The following FAM110B variants were observed in gnomAD, a reference collection of about 807,000 sequenced individuals.
The protein encoded by FAM110B is family with sequence similarity 110 member B, also known as protein FAM110B.
Under a neutral mutation model 20.4 loss-of-function variants are expected in FAM110B, and 6 were observed. The ratio of observed to expected loss-of-function variants is 0.29; its 90% confidence interval spans 0.16 to 0.58. The LOEUF is 0.58. FAM110B is among the 20% of genes least tolerant of loss of function. The pLI is 0.90. For synonymous variants in FAM110B, 226 were observed against 214.1 expected (o/e 1.06, Z -0.49); for missense variants, 434 against 498.2 (o/e 0.87, Z 1.23).
At chr8:58,011,919 G>C (rs549079438) in intron 1 of FAM110B, among the ~76,000 whole-genome samples, 2 of 152,156 alleles carry the variant, frequency 1.3e-5, no homozygotes, top group Non-Finnish European at 1.5e-5. Flanking sequence ...AATCACCTTC[G>C]TGACTGAGTA....
chr8:58,111,902 T>G (rs1487062323), intron 3 of FAM110B, among the ~76,000 whole-genome samples: 1 of 152,238 alleles, frequency 6.6e-6, no homozygotes, highest in Non-Finnish European at 1.5e-5. Context: ...TGAAGTAAAT[T>G]CACCCAATGT....
chr8:58,075,189 T>C (rs1392366200), intron 2 of FAM110B, among the ~76,000 whole-genome samples: 1 of 151,426 alleles, frequency 6.6e-6, no homozygotes, highest in Non-Finnish European at 1.5e-5. Context: ...CACGGAAACC[T>C]CCACCTCCCA....
At chr8:58,078,613 C>T (rs1213987176) in intron 3 of FAM110B, among the ~76,000 whole-genome samples, 2 of 133,210 alleles carry the variant, frequency 1.5e-5, no homozygotes, top group East Asian at 2.2e-4. Flanking sequence ...TGCAGTGGTG[C>T]GATCTCGGCT....
At chr8:58,119,579 T>C (rs1807303087) in intron 3 of FAM110B, among the ~76,000 whole-genome samples, 1 of 152,238 alleles carries the variant, frequency 6.6e-6, no homozygotes. Context: ...CGTAAATTTA[T>C]CCTTGTGACT....
At chr8:58,001,391 T>A (rs72660375) in intron 1 of FAM110B, among the ~76,000 whole-genome samples, 6 of 145,364 alleles carry the variant, frequency 4.1e-5, no homozygotes, top group Non-Finnish European at 9.1e-5. Context: ...TGTGTGTGTG[T>A]GAGAAAGGGG....
chr8:58,015,239 C>T (rs970959753), intron 1 of FAM110B, among the ~76,000 whole-genome samples: 3 of 151,974 alleles, frequency 2.0e-5, no homozygotes, highest in Admixed American at 6.6e-5. Flanking sequence ...TGCCTGTTAT[C>T]GCAGCTACTC....
intron 2 of FAM110B, chr8:58,032,256 A>G (rs1804978951): frequency 6.6e-6 from 1 of 152,234 alleles, no homozygotes; most frequent in South Asian, 2.1e-4. Context: ...ATAATCACTC[A>G]TGGGGATAAG....
chr8:58,119,777 C>A (rs1031440767), intron 3 of FAM110B, among the ~76,000 whole-genome samples: 1 of 152,216 alleles, frequency 6.6e-6, no homozygotes, highest in South Asian at 2.1e-4. Flanking sequence ...TATGACCACT[C>A]TGCTTGTGGC....
intron 3 of FAM110B, among the ~76,000 whole-genome samples, chr8:58,129,468 T>G (rs1292209883): frequency 6.6e-6 from 1 of 152,254 alleles, no homozygotes; most frequent in Non-Finnish European, 1.5e-5. Context: ...GCCTCCGTTC[T>G]CCAGTCAGCC....
chr8:58,036,767 T>C (rs1051335230), intron 2 of FAM110B, among the ~76,000 whole-genome samples: 10 of 152,220 alleles, frequency 6.6e-5, no homozygotes, highest in African/African-American at 2.2e-4. Flanking sequence ...TGCTTCCTTA[T>C]TTGCTTTAGG....
intron 1 of FAM110B, among the ~76,000 whole-genome samples, chr8:58,030,679 A>C (rs553733875): frequency 1.3e-5 from 2 of 152,294 alleles, no homozygotes; most frequent in East Asian, 3.9e-4. Context: ...GAAGATATCT[A>C]TTGCAGACAG....
chr8:58,098,908 T>C (rs1322729278), intron 3 of FAM110B: 1 of 152,340 alleles, frequency 6.6e-6, no homozygotes, highest in African/African-American at 2.4e-5. Flanking sequence ...CAGTTGGAGA[T>C]GCAGAAATCA....
In FAM110B at chr8:58,146,771, G is replaced by C. The variant is rs1246110279; in HGVS notation, c.541G>C (p.Val181Leu). Reference sequence around the variant, plus strand: ...GAGCCCGCAGGAGGGCGGCTCCCACGTGGGCAGGAGACTGCTGGAGCAGTC... The same window carrying C: ...GAGCCCGCAGGAGGGCGGCTCCCACCTGGGCAGGAGACTGCTGGAGCAGTC... ...RRSPQEGGSH[V>L]GRRLLEQSAE... Residue 181 changes from valine (V) to leucine (L), a missense_variant, in exon 4 of 4, where the codon GTG (valine) becomes CTG (leucine). Coordinates refer to ENST00000519262, the MANE Select transcript of FAM110B (RefSeq NM_001377989.1). 6.2e-7 allele frequency: 1 copy of C among 1,611,464 alleles called. No individual in the cohort carries two copies. The highest frequency in any genetic ancestry group is 1.1e-5 in the South Asian group (1 of 90,850).
At chr8:58,103,737 G>A (rs1001331645) in intron 3 of FAM110B, among the ~76,000 whole-genome samples, 2 of 152,110 alleles carry the variant, frequency 1.3e-5, no homozygotes, top group African/African-American at 2.4e-5. Context: ...CATGTCCCTC[G>A]GAATCTAATT....
chr8:58,146,356 G>GCCCAAC lies in FAM110B; in HGVS notation c.132_137dup (p.Asn44_Pro45dup). On this transcript the variant is annotated inframe_insertion, in exon 4 of 4. Transcript: ENST00000519262. ...CAGACTACTTCCGCAGGCAGGCCGA[G>GCCCAAC]CCCAACCCCAAGAGGCTCAGCGCCG... is the stretch of plus-strand genomic sequence containing the variant. The GCCCAAC allele has an allele frequency of 6.2e-7, 1 of 1,614,050 alleles. No individual in the cohort carries two copies. The highest frequency in any genetic ancestry group is 8.5e-7 in the Non-Finnish European group (1 of 1,180,002).
At chr8:58,093,641 G>A (rs1456805382) in intron 3 of FAM110B, among the ~76,000 whole-genome samples, 2 of 152,224 alleles carry the variant, frequency 1.3e-5, no homozygotes, top group South Asian at 2.1e-4. Context: ...TGCTGTTTTG[G>A]TTACTGTAGC....
At chr8:58,127,102 T>A (rs1275165429) in intron 3 of FAM110B, among the ~76,000 whole-genome samples, 1 of 152,240 alleles carries the variant, frequency 6.6e-6, no homozygotes, top group Admixed American at 6.5e-5. Flanking sequence ...GAGGTCAACG[T>A]TTATATTTTT....
intron 3 of FAM110B, among the ~76,000 whole-genome samples, chr8:58,140,443 C>T (rs1803714739): frequency 6.6e-6 from 1 of 152,146 alleles, no homozygotes; most frequent in South Asian, 2.1e-4. Flanking sequence ...AAGTGAACTG[C>T]CCAAGGCTAC....
chr8:58,072,782 A>G (rs181852854), intron 2 of FAM110B, among the ~76,000 whole-genome samples: 1 of 152,328 alleles, frequency 6.6e-6, no homozygotes, highest in East Asian at 1.9e-4. Context: ...TTTTCTCCTG[A>G]GGTCTCAACA....
Sources: gnomAD v4.1 joint callset for allele counts (sites outside exome capture counted in the v4.1 genomes callset) on GRCh38, gnomAD v4.1.1 for gene constraint, MANE v1.5 for transcripts, NCBI Gene and HGNC (gene_info 2026-07-23, HGNC 2026-07-21) for gene names.